LIPH: variants seen among roughly 807,000 people sequenced by gnomAD.
LIPH encodes the protein lipase H.
In LIPH, 32 loss-of-function variants were observed where a neutral mutation model predicts 47.6. That is an observed-to-expected ratio of 0.67 (90% CI 0.51 to 0.90). The LOEUF (loss-of-function observed/expected upper bound fraction) is 0.90. Ranked by LOEUF, LIPH falls within the 40% of genes least tolerant of loss-of-function variation. The pLI is 0.00. For synonymous variants in LIPH, 190 were observed against 195.6 expected (o/e 0.97, Z 0.24); for missense variants, 497 against 541.4 (o/e 0.92, Z 0.81).
rs919938774 is a variant in LIPH, at chr3:185,506,850, A to G, written c.*1940T>C. ...CCATCTAAAAAAAAAAAAAAAAAAA[A>G]AAAAAAAAAACCAGGGCCTACAGCA... is the stretch of plus-strand genomic sequence containing the variant. On this transcript the variant is annotated 3_prime_UTR_variant, in exon 10 of 10. Coordinates refer to ENST00000296252, the MANE Select transcript of LIPH (RefSeq NM_139248.3). 1 of 150,320 alleles carries G rather than the reference A, an allele frequency of 6.7e-6. No homozygotes were observed. Among genetic ancestry groups the G allele is most frequent in the African/African-American group, 2.5e-5 (1 of 40,782 alleles). The allele number at this position is 150,320 out of a possible 1,614,324, so 9.3% of individuals were successfully genotyped here. A position where few individuals can be genotyped will look rare whatever the true frequency, so the allele number is the denominator to read the frequency against.
At chr3:185,549,582 C>T (rs562072127) in intron 1 of LIPH, among the ~76,000 whole-genome samples, 6 of 152,030 alleles carry the variant, frequency 3.9e-5, no homozygotes, top group Non-Finnish European at 8.8e-5. Context: ...TATTTTAAAA[C>T]CTATGTTTGT....
intron 1 of LIPH, among the ~76,000 whole-genome samples, chr3:185,544,947 A>G (rs1025589308): frequency 1.4e-5 from 2 of 140,998 alleles, no homozygotes; most frequent in Non-Finnish European, 3.1e-5. Flanking sequence ...TTAAATATTC[A>G]TTTCTGTTGG....
intron 1 of LIPH, among the ~76,000 whole-genome samples, chr3:185,541,798 C>T (rs1394590912): frequency 6.6e-6 from 1 of 151,384 alleles, no homozygotes; most frequent in Non-Finnish European, 1.5e-5. Flanking sequence ...ACTCTGTCAA[C>T]CAGGCTGGAG....
intron 4 of LIPH, among the ~76,000 whole-genome samples, chr3:185,526,707 TAAATAAAATA>T (rs1156428967): frequency 7.9e-6 from 1 of 126,218 alleles, no homozygotes; most frequent in Non-Finnish European, 1.7e-5. Flanking sequence ...TAAAATAAAA[TAAATAAAATA>T]AAATAAAATA....
intron 4 of LIPH, among the ~76,000 whole-genome samples, chr3:185,525,613 A>G (rs1456704686): frequency 6.6e-6 from 1 of 152,146 alleles, no homozygotes; most frequent in African/African-American, 2.4e-5. Context: ...CCTTGTCTCT[A>G]TCAGTGAAAA....
intron 3 of LIPH, among the ~76,000 whole-genome samples, chr3:185,531,944 A>G (rs1419798168): frequency 2.6e-5 from 4 of 152,116 alleles, no homozygotes; most frequent in Admixed American, 2.6e-4. Context: ...GACTCAAGCG[A>G]TTCTTCTGCG....
chr3:185,526,637 T>TATA (rs10674006), intron 4 of LIPH, among the ~76,000 whole-genome samples: 125,302 of 138,828 alleles, frequency 0.9, 56,786 homozygotes, highest in East Asian at 0.98. Context: ...AAATATAAAA[T>TATA]AAATAAAATA....
chr3:185,518,357 G>A (rs549363437), intron 6 of LIPH, among the ~76,000 whole-genome samples: 1 of 152,214 alleles, frequency 6.6e-6, no homozygotes, highest in South Asian at 2.1e-4. Context: ...TCAGCTCACT[G>A]TATCCTCCGT....
rs543033413 is a variant in LIPH, at chr3:185,544,641, T to C, written c.49+7782A>G. 7.9e-5 allele frequency among the ~76,000 whole-genome samples: 12 copies of C among 152,286 alleles called. 2 individuals carry two copies. Among genetic ancestry groups the C allele is most frequent in the African/African-American group, 2.9e-4 (12 of 41,586 alleles). On this transcript the variant is annotated intron_variant, in intron 1 of 9. Coordinates refer to ENST00000296252, the MANE Select transcript of LIPH (RefSeq NM_139248.3). ...AGGTGCTGGGATTACAGGCATGAGT[T>C]ACTGAGCCTGGGCGAGAATTTTCTC... is the stretch of plus-strand genomic sequence containing the variant.
At position 185,514,696 on chromosome 3, in the gene LIPH, G is replaced by C. The variant is rs570712314; in HGVS notation, c.983-175C>G. Among the ~76,000 whole-genome samples the C allele has an allele frequency of 9.6e-4, 146 of 152,238 alleles. 1 individual carries two copies. The highest frequency in any genetic ancestry group is 3.3e-3 in the African/African-American group (136 of 41,538). ...CTAATATTCCCTTCTCTTCTCTTTGGTAAAGATGGCATGAGTGATAGCAGA... is the reference window on the plus strand; with the variant it reads ...CTAATATTCCCTTCTCTTCTCTTTGCTAAAGATGGCATGAGTGATAGCAGA... On this transcript the variant is annotated intron_variant, in intron 7 of 9. Coordinates refer to ENST00000296252, the MANE Select transcript of LIPH (RefSeq NM_139248.3).
chr3:185,519,332 A>G (rs1719830173), intron 5 of LIPH, 23 bp from the exon 6 acceptor site: 3 of 1,567,930 alleles, frequency 1.9e-6, no homozygotes, highest in Non-Finnish European at 2.6e-6. Flanking sequence ...AGAAGTGATG[A>G]AAGAGTAGAG....
chr3:185,526,050 C>T (rs1450997149), intron 4 of LIPH, among the ~76,000 whole-genome samples: 1 of 151,956 alleles, frequency 6.6e-6, no homozygotes, highest in Non-Finnish European at 1.5e-5. Context: ...CCACATGACA[C>T]GTATCCAATC....
chr3:185,535,678 C>T (rs1029066547), intron 1 of LIPH, among the ~76,000 whole-genome samples: 1 of 152,146 alleles, frequency 6.6e-6, no homozygotes, highest in Non-Finnish European at 1.5e-5. Context: ...TCTCAGCTCA[C>T]TGCAACCTCC....
chr3:185,539,625 C>G lies in LIPH; in HGVS notation c.50-4493G>C, dbSNP rs150909242. On this transcript the variant is annotated intron_variant, in intron 1 of 9. Transcript: ENST00000296252. ...ACTTCAGGCGATCCACCCGCCTCAG[C>G]CTCCCAAAGTGCTGGGATCACAGGT... Among the ~76,000 whole-genome samples the G allele has an allele frequency of 2.5e-4, 38 of 152,278 alleles. No individual in the cohort carries two copies. The East Asian group carries it at 7.3e-3, about 29-fold the overall frequency.
At chr3:185,516,528 C>A (rs970477290) in intron 7 of LIPH, among the ~76,000 whole-genome samples, 1 of 152,184 alleles carries the variant, frequency 6.6e-6, no homozygotes, top group Admixed American at 6.5e-5. Context: ...CAAGGAAATT[C>A]TAGTTGCTTC....
At chr3:185,529,524 C>T (rs530754151) in intron 3 of LIPH, among the ~76,000 whole-genome samples, 25 of 150,324 alleles carry the variant, frequency 1.7e-4, no homozygotes, top group Admixed American at 1.6e-3. Context: ...GCAGTCCTCC[C>T]GCCTCAGTTT....
Position 185,529,965 on chromosome 3 carries a change from G to GAAAGAAA in LIPH, c.527-2381_527-2380insTTTCTTT, listed in dbSNP as rs1553823294. Among the ~76,000 whole-genome samples, 825 of 102,984 alleles carry GAAAGAAA rather than the reference G, an allele frequency of 8.0e-3. 19 individuals carry two copies. The highest frequency in any genetic ancestry group is 9.1e-3 in the East Asian group (30 of 3,296). The allele number at this position is 102,984 out of a possible 152,430, so 67.6% of individuals were successfully genotyped here. ...AAGAAAGAAAGAAAGAAAGAAAGAA[G>GAAAGAAA]GAAAGAAAGAAAGAGAGAGAGAGAG... On this transcript the variant is annotated intron_variant, in intron 3 of 9. Transcript: ENST00000296252.
intron 8 of LIPH, 113 bp from the exon 9 acceptor site, chr3:185,511,810 A>G: frequency 2.9e-6 from 2 of 698,196 alleles, no homozygotes; most frequent in South Asian, 3.4e-5. Flanking sequence ...CATAGCCTGC[A>G]CCAGCTGACT....
chr3:185,541,906 G>T (rs935549668), intron 1 of LIPH, among the ~76,000 whole-genome samples: 1 of 151,536 alleles, frequency 6.6e-6, no homozygotes. Context: ...ACAGACGTGC[G>T]CCACCACACC....
Sources: allele counts gnomAD v4.1 joint callset (sites outside exome capture counted in the v4.1 genomes callset), GRCh38; gene constraint gnomAD v4.1.1; transcripts MANE v1.5; gene names NCBI Gene and HGNC (gene_info 2026-07-23, HGNC 2026-07-21).